The following MAGI2 variants were observed in gnomAD, a reference collection of about 807,000 sequenced individuals.
The protein encoded by MAGI2 is membrane-associated guanylate kinase, WW and PDZ domain-containing protein 2.
In MAGI2, 35 loss-of-function variants were observed where a neutral mutation model predicts 133.3. The observed-to-expected ratio is 0.26, with a 90% CI of 0.20 to 0.35. The LOEUF is 0.35. Among genes scored for constraint, MAGI2 ranks in the 10% least tolerant of loss-of-function variants. MAGI2 has a pLI of 1.00. For synonymous variants in MAGI2, 729 were observed against 710.6 expected (o/e 1.03, Z -0.41); for missense variants, 1,636 against 1,863.4 (o/e 0.88, Z 2.25).
At chr7:78,326,499 T>G (rs982632733) in intron 9 of MAGI2, among the ~76,000 whole-genome samples, 2 of 152,144 alleles carry the variant, frequency 1.3e-5, no homozygotes, top group African/African-American at 4.8e-5. Context: ...GTATTACACA[T>G]CCACAGATCC....
At chr7:78,422,674 A>G (rs1049840688) in intron 6 of MAGI2, among the ~76,000 whole-genome samples, 1 of 152,192 alleles carries the variant, frequency 6.6e-6, no homozygotes, top group Non-Finnish European at 1.5e-5. Flanking sequence ...AACTTTCTCA[A>G]AGTTGTATTG....
chr7:79,366,628 T>C (rs891091997), intron 1 of MAGI2, among the ~76,000 whole-genome samples: 5 of 152,174 alleles, frequency 3.3e-5, no homozygotes, highest in Admixed American at 1.3e-4. Flanking sequence ...GTTTTGATCT[T>C]ATCCTATCAT....
chr7:78,493,620 A>G (rs1431107255), intron 5 of MAGI2, among the ~76,000 whole-genome samples: 1 of 133,184 alleles, frequency 7.5e-6, no homozygotes, highest in Non-Finnish European at 1.7e-5. Context: ...TCTGGTTTCC[A>G]GGTACAAGGT....
intron 5 of MAGI2, among the ~76,000 whole-genome samples, chr7:78,492,560 TTAA>T (rs1387054329): frequency 6.6e-6 from 1 of 152,170 alleles, no homozygotes; most frequent in Non-Finnish European, 1.5e-5. Flanking sequence ...ATTTTAAAGC[TTAA>T]TAATTCCATT....
intron 1 of MAGI2, among the ~76,000 whole-genome samples, chr7:79,126,412 G>T (rs1050563228): frequency 3.9e-5 from 6 of 152,144 alleles, no homozygotes; most frequent in Non-Finnish European, 4.4e-5. Context: ...TCCCAAGGCT[G>T]CTTGGTGTGA....
chr7:78,958,974 T>C (rs1460186728), intron 2 of MAGI2, among the ~76,000 whole-genome samples: 1 of 152,134 alleles, frequency 6.6e-6, no homozygotes, highest in Non-Finnish European at 1.5e-5. Flanking sequence ...GCTGAATGCC[T>C]CTCATACACG....
chr7:78,131,058 G>A (rs1821509322), intron 18 of MAGI2, among the ~76,000 whole-genome samples: 2 of 152,336 alleles, frequency 1.3e-5, no homozygotes, highest in East Asian at 1.9e-4. Flanking sequence ...ATGTGGCTGC[G>A]AGATTAATCG....
At chr7:78,215,705 C>T (rs142134473) in intron 10 of MAGI2, among the ~76,000 whole-genome samples, 1 of 152,260 alleles carries the variant, frequency 6.6e-6, no homozygotes, top group East Asian at 1.9e-4. Context: ...CAACCCCAGC[C>T]ATGGGAATGG....
intron 2 of MAGI2, among the ~76,000 whole-genome samples, chr7:78,665,227 A>C (rs1311070544): frequency 1.3e-5 from 2 of 152,178 alleles, no homozygotes; most frequent in African/African-American, 4.8e-5. Context: ...CGTGGTATCA[A>C]ATTTTTTAAA....
At chr7:79,167,413 A>C (rs1306034642) in intron 1 of MAGI2, among the ~76,000 whole-genome samples, 3 of 149,482 alleles carry the variant, frequency 2.0e-5, no homozygotes, top group East Asian at 2.0e-4. Context: ...AAAAAAAAAA[A>C]AAAAACTCCA....
At chr7:79,062,840 T>G (rs1430817698) in intron 1 of MAGI2, among the ~76,000 whole-genome samples, 3 of 152,072 alleles carry the variant, frequency 2.0e-5, no homozygotes, top group Admixed American at 6.6e-5. Flanking sequence ...ATTCTGAAAT[T>G]TGATGATGCT....
chr7:78,784,415 C>A (rs772509733), intron 2 of MAGI2, among the ~76,000 whole-genome samples: 21 of 152,068 alleles, frequency 1.4e-4, no homozygotes, highest in Non-Finnish European at 2.4e-4. Flanking sequence ...TCTCTTCCTC[C>A]AAGCAGGTCA....
At chr7:79,170,081 C>A (rs1461794570) in intron 1 of MAGI2, among the ~76,000 whole-genome samples, 2 of 150,592 alleles carry the variant, frequency 1.3e-5, no homozygotes, top group Admixed American at 6.6e-5. Context: ...ATCCAACCCA[C>A]CTTCAAAATT....
chr7:79,023,879 C>T (rs908101229), intron 1 of MAGI2, among the ~76,000 whole-genome samples: 25 of 151,912 alleles, frequency 1.6e-4, no homozygotes, highest in Admixed American at 9.2e-4. Context: ...ATGGACAGTA[C>T]GAATCAATAT....
At chr7:78,209,408 T>C (rs376111486) in intron 10 of MAGI2, among the ~76,000 whole-genome samples, 102 of 149,912 alleles carry the variant, frequency 6.8e-4, no homozygotes, top group South Asian at 3.0e-3. Flanking sequence ...ACTACAGGCG[T>C]GCACCATCAC....
chr7:78,741,926 TAA>T (rs1419934876), intron 2 of MAGI2, among the ~76,000 whole-genome samples: 1 of 152,014 alleles, frequency 6.6e-6, no homozygotes, highest in East Asian at 2.0e-4. Context: ...CCTTAAATTA[TAA>T]GTTATCACGA....
intron 2 of MAGI2, among the ~76,000 whole-genome samples, chr7:78,944,742 CTTAT>C (rs1046986966): frequency 9.5e-6 from 1 of 105,690 alleles, no homozygotes; most frequent in African/African-American, 3.4e-5. Context: ...TATTTATTTA[CTTAT>C]TTATTTATGA....
chr7:78,989,900 T>C (rs1400497021), intron 2 of MAGI2, among the ~76,000 whole-genome samples: 1 of 152,042 alleles, frequency 6.6e-6, no homozygotes, highest in Non-Finnish European at 1.5e-5. Flanking sequence ...TTTATATAAA[T>C]ATTTATTCCA....
At chr7:78,535,489 T>C (rs1385743001) in intron 3 of MAGI2, among the ~76,000 whole-genome samples, 1 of 152,330 alleles carries the variant, frequency 6.6e-6, no homozygotes, top group East Asian at 1.9e-4. Context: ...AAGGTAAAGA[T>C]GTTATCTTTG....
Sources: gnomAD v4.1 joint callset for allele counts (sites outside exome capture counted in the v4.1 genomes callset) on GRCh38, gnomAD v4.1.1 for gene constraint, MANE v1.5 for transcripts, NCBI Gene and HGNC (gene_info 2026-07-23, HGNC 2026-07-21) for gene names.